GSN: variants seen among roughly 807,000 people sequenced by gnomAD.
GSN encodes gelsolin, also known as actin-depolymerizing factor.
A neutral mutation model predicts 85.7 loss-of-function variants in GSN; 56 were observed. That is an observed-to-expected ratio of 0.65 (90% CI 0.53 to 0.82). GSN has a LOEUF of 0.82. GSN is among the 40% of genes least tolerant of loss of function. The pLI, the probability that GSN is intolerant of heterozygous loss-of-function variation, is 0.00. For missense variants in GSN, 857 were observed against 979.8 expected (o/e 0.87, Z 1.67); for synonymous variants, 373 against 399.1 (o/e 0.93, Z 0.78).
chr9:121,306,243 T>G (rs970303874), intron 4 of GSN, among the ~76,000 whole-genome samples: 1 of 152,224 alleles, frequency 6.6e-6, no homozygotes, highest in African/African-American at 2.4e-5. Flanking sequence ...ATAGAATCAC[T>G]GGAACCTTTC....
chr9:121,228,424 A>ATTTTT (rs869071386), intron 4 of GSN, among the ~76,000 whole-genome samples: 1 of 48,120 alleles, frequency 2.1e-5, no homozygotes, highest in Non-Finnish European at 3.6e-5. Flanking sequence ...ATATATATAT[A>ATTTTT]TTTTTTTTTT....
At chr9:121,274,228 C>A (rs1413958570) in intron 1 of GSN, among the ~76,000 whole-genome samples, 2 of 152,108 alleles carry the variant, frequency 1.3e-5, no homozygotes, top group African/African-American at 4.8e-5. Context: ...GCTCTTTAGT[C>A]CTTAAACAAG....
intron 5 of GSN, among the ~76,000 whole-genome samples, chr9:121,245,648 A>C (rs1023162526): frequency 3.3e-5 from 5 of 152,214 alleles, no homozygotes; most frequent in African/African-American, 1.2e-4. Flanking sequence ...GGCATGAACC[A>C]CTGAGCTTTG....
At chr9:121,223,185 T>C (rs1399458234) in intron 4 of GSN, among the ~76,000 whole-genome samples, 1 of 152,200 alleles carries the variant, frequency 6.6e-6, no homozygotes, top group Non-Finnish European at 1.5e-5. Flanking sequence ...AGGAAGCTAC[T>C]AATCACCGGT....
At chr9:121,236,359 A>G (rs1355326140) in intron 5 of GSN, among the ~76,000 whole-genome samples, 1 of 152,086 alleles carries the variant, frequency 6.6e-6, no homozygotes, top group Non-Finnish European at 1.5e-5. Context: ...AGCTGGGACT[A>G]CTGATACACG....
At chr9:121,228,598 T>A (rs978387510) in intron 4 of GSN, among the ~76,000 whole-genome samples, 2 of 151,634 alleles carry the variant, frequency 1.3e-5, no homozygotes, top group African/African-American at 4.9e-5. Flanking sequence ...CATACCCGGA[T>A]AATTTTTGTA....
At chr9:121,313,705 G>A (rs1472135530) in intron 6 of GSN, 19 of 597,738 alleles carry the variant, frequency 3.2e-5, no homozygotes, top group South Asian at 2.9e-4. Flanking sequence ...AGGCAGAGGA[G>A]CAGGAGTGTT....
At position 121,332,719 on chromosome 9, in the gene GSN, T is replaced by TG. The variant is rs751044080; in HGVS notation, c.*116_*117insG. 1.2e-4 allele frequency: 85 copies of TG among 720,816 alleles called. No homozygotes were observed. The highest frequency in any genetic ancestry group is 4.6e-4 in the Admixed American group (15 of 32,760). 44.7% of individuals were successfully genotyped at this position (720,816 alleles called of 1,614,324 possible). On this transcript the variant is annotated 3_prime_UTR_variant, in exon 18 of 18. Transcript: ENST00000432226. The surrounding 1 kb of genome is among the most constrained non-coding windows in gnomAD (Gnocchi z 4.8). ...CTATGAGTGTGTGTGTGTGTGTGTGTTGTTTCTTTTTTTTTTTTTTACAGT... is the reference window on the plus strand; with the variant it reads ...CTATGAGTGTGTGTGTGTGTGTGTGTGTGTTTCTTTTTTTTTTTTTTACAGT...
chr9:121,226,039 G>T (rs2054267016), intron 4 of GSN, among the ~76,000 whole-genome samples: 1 of 152,144 alleles, frequency 6.6e-6, no homozygotes, highest in South Asian at 2.1e-4. Context: ...TCCTGACCTT[G>T]TGATTCCCCC....
intron 4 of GSN, among the ~76,000 whole-genome samples, chr9:121,306,495 C>G (rs1270026618): frequency 7.3e-6 from 1 of 136,606 alleles, no homozygotes; most frequent in Non-Finnish European, 1.7e-5. Flanking sequence ...ACATGATTCT[C>G]CCCTTGGAGA....
intron 4 of GSN, among the ~76,000 whole-genome samples, chr9:121,214,932 A>G (rs1480135186): frequency 6.6e-6 from 1 of 152,200 alleles, no homozygotes; most frequent in Non-Finnish European, 1.5e-5. Flanking sequence ...TAATAAAAGT[A>G]CCATGAACTG....
chr9:121,264,565 G>C (rs75404402), upstream of GSN, among the ~76,000 whole-genome samples: 934 of 152,318 alleles, frequency 6.1e-3, 12 homozygotes, highest in African/African-American at 0.021. Context: ...AGGGGACCGA[G>C]GCTGGAGAAA....
intron 3 of GSN, among the ~76,000 whole-genome samples, chr9:121,302,704 T>G (rs1794121921): frequency 6.6e-6 from 1 of 152,198 alleles, no homozygotes; most frequent in African/African-American, 2.4e-5. Context: ...TAAGGGAATG[T>G]GACAGAGCTG....
intron 4 of GSN, among the ~76,000 whole-genome samples, chr9:121,220,713 A>C (rs1433913984): frequency 6.6e-6 from 1 of 152,208 alleles, no homozygotes; most frequent in Non-Finnish European, 1.5e-5. Flanking sequence ...AAATCAAGGA[A>C]ATTTTCCAGT....
chr9:121,310,880 GAGGT>G, intron 5 of GSN, 35 bp downstream of exon 5: 1 of 1,601,932 alleles, frequency 6.2e-7, no homozygotes, highest in Non-Finnish European at 8.5e-7. Flanking sequence ...AGGAGCCACT[GAGGT>G]GCTCCTGGTC....
At chr9:121,290,484 G>A (rs2058580737) in intron 2 of GSN, among the ~76,000 whole-genome samples, 1 of 152,206 alleles carries the variant, frequency 6.6e-6, no homozygotes, top group African/African-American at 2.4e-5. Context: ...TGGTTCTATT[G>A]TAGTCAAAAG....
chr9:121,234,741 T>C (rs1307172043), intron 5 of GSN, among the ~76,000 whole-genome samples: 1 of 152,184 alleles, frequency 6.6e-6, no homozygotes, highest in Non-Finnish European at 1.5e-5. Flanking sequence ...CCGAGCACTT[T>C]GGGAGGCCAA....
chr9:121,272,628 G>T (rs918207733), intron 1 of GSN, among the ~76,000 whole-genome samples: 3 of 152,198 alleles, frequency 2.0e-5, no homozygotes, highest in Non-Finnish European at 4.4e-5. Context: ...TTGAGGCCTA[G>T]GATTTGTTGA....
chr9:121,318,565 G>A lies in GSN; in HGVS notation c.975+71G>A, dbSNP rs529157590. The A allele has an allele frequency of 2.1e-5, 31 of 1,473,448 alleles. No individual in the cohort carries two copies. The highest frequency in any genetic ancestry group is 1.5e-4 in the African/African-American group (11 of 72,352). The allele number at this position is 1,473,448 out of a possible 1,614,324, so 91.3% of individuals were successfully genotyped here. Reference sequence around the variant, plus strand: ...TGGAGGGGATGGGCTGGAGTAGGGCGGGTGTCCCACCCTCAGTGTGGATGG... The same window carrying A: ...TGGAGGGGATGGGCTGGAGTAGGGCAGGTGTCCCACCCTCAGTGTGGATGG... On this transcript the variant is annotated intron_variant, in intron 9 of 17. Coordinates refer to ENST00000432226, the MANE Select transcript of GSN (RefSeq NM_198252.3). This position sits in a 1 kb window ranked among gnomAD's most constrained non-coding sequence, Gnocchi z 4.3.
Sources: allele counts gnomAD v4.1 joint callset (sites outside exome capture counted in the v4.1 genomes callset), GRCh38; gene constraint gnomAD v4.1.1; non-coding constraint Gnocchi (gnomAD v3.1); transcripts MANE v1.5; gene names NCBI Gene and HGNC (gene_info 2026-07-23, HGNC 2026-07-21).